Variants in CNBD2 observed in about 807,000 individuals in gnomAD.
CNBD2 encodes cyclic nucleotide binding domain containing 2, also known as cyclic nucleotide-binding domain-containing protein 2.
CNBD2 carries 64 observed loss-of-function variants against 63.7 expected under a neutral mutation model. That is an observed-to-expected ratio of 1.00 (90% CI 0.82 to 1.24). CNBD2 has a LOEUF of 1.24. Ranked by LOEUF, CNBD2 falls within the 50% of genes most tolerant of loss-of-function variation. The pLI is 0.00. For missense variants in CNBD2, 691 were observed against 713.5 expected (o/e 0.97, Z 0.36); for synonymous variants, 229 against 255.4 (o/e 0.90, Z 0.99).
At chr20:35,998,132 C>T (rs999532882) in intron 8 of CNBD2, among the ~76,000 whole-genome samples, 1 of 151,264 alleles carries the variant, frequency 6.6e-6, no homozygotes, top group South Asian at 2.1e-4. Context: ...TCCTCCACCC[C>T]CCAGGTTCGA....
downstream of CNBD2, among the ~76,000 whole-genome samples, chr20:35,956,291 A>G (rs2056256062): frequency 6.6e-6 from 1 of 152,192 alleles, no homozygotes; most frequent in Admixed American, 6.5e-5. Context: ...TGGGCCTTTA[A>G]TGTTTTTTAG....
intron 9 of CNBD2, among the ~76,000 whole-genome samples, chr20:36,008,809 T>C (rs955362854): frequency 6.6e-6 from 1 of 152,164 alleles, no homozygotes; most frequent in South Asian, 2.1e-4. Context: ...GATTCTGAGC[T>C]GCTTCAGAAA....
chr20:35,988,959 C>T (rs1259569538), intron 7 of CNBD2, among the ~76,000 whole-genome samples: 2 of 152,186 alleles, frequency 1.3e-5, no homozygotes, highest in East Asian at 1.9e-4. Context: ...AATTGCTTCA[C>T]GTCCTTTGCC....
At chr20:36,009,112 G>T (rs146021564) in intron 9 of CNBD2, among the ~76,000 whole-genome samples, 1 of 152,082 alleles carries the variant, frequency 6.6e-6, no homozygotes, top group Admixed American at 6.5e-5. Context: ...CAGGAGGGTC[G>T]CTTGAGCCTA....
At chr20:35,987,675 C>G in intron 7 of CNBD2, 142 bp downstream of exon 7, 1 of 884,644 alleles carries the variant, frequency 1.1e-6, no homozygotes, top group Admixed American at 2.5e-5. Context: ...CATGTCCCAG[C>G]TGTAAGAGGC....
chr20:35,996,510 T>G (rs2056827293), intron 8 of CNBD2, among the ~76,000 whole-genome samples: 1 of 147,392 alleles, frequency 6.8e-6, no homozygotes, highest in Non-Finnish European at 1.5e-5. Flanking sequence ...CTCTTTTTGT[T>G]TTTTTTTTTT....
At chr20:36,006,222 G>T (rs1348606696) in intron 8 of CNBD2, among the ~76,000 whole-genome samples, 1 of 151,676 alleles carries the variant, frequency 6.6e-6, no homozygotes, top group Non-Finnish European at 1.5e-5. Context: ...TAGAGATGGG[G>T]TTTCACCATG....
intron 1 of CNBD2, among the ~76,000 whole-genome samples, chr20:35,971,080 T>G (rs2056409356): frequency 6.6e-6 from 1 of 150,594 alleles, no homozygotes; most frequent in African/African-American, 2.4e-5. Flanking sequence ...CCCAAGTAGC[T>G]GGGACTACAG....
At chr20:36,015,602 G>A (rs2057122926) in intron 10 of CNBD2, among the ~76,000 whole-genome samples, 1 of 152,182 alleles carries the variant, frequency 6.6e-6, no homozygotes, top group Admixed American at 6.5e-5. Context: ...GGAAGAGCTA[G>A]GGGAGGGGGC....
upstream of CNBD2, among the ~76,000 whole-genome samples, chr20:35,968,203 A>G (rs1259265401): frequency 6.6e-6 from 1 of 152,190 alleles, no homozygotes; most frequent in Non-Finnish European, 1.5e-5. Context: ...GGTTAATGCA[A>G]ATTAAGGAGT....
chr20:35,998,874 C>CAAAAAAAAAA (rs74173968), intron 8 of CNBD2, among the ~76,000 whole-genome samples: 1 of 47,376 alleles, frequency 2.1e-5, no homozygotes, highest in Non-Finnish European at 4.2e-5. Context: ...CTGTGTCTCT[C>CAAAAAAAAAA]AAAAAAAAAA....
intron 8 of CNBD2, 61 bp from the exon 9 acceptor site, chr20:36,008,236 C>A: frequency 7.2e-7 from 1 of 1,384,790 alleles, no homozygotes; most frequent in Non-Finnish European, 9.9e-7. Flanking sequence ...CAACTACTAC[C>A]ACCATAACCA....
chr20:35,963,621 A>T (rs377599920), upstream of CNBD2, among the ~76,000 whole-genome samples: 1 of 152,174 alleles, frequency 6.6e-6, no homozygotes, highest in African/African-American at 2.4e-5. Context: ...AGCCTGGGCA[A>T]AAGAGAGACT....
upstream of CNBD2, chr20:35,954,445 T>C (rs961099254): frequency 7.1e-6 from 11 of 1,549,232 alleles, no homozygotes; most frequent in Non-Finnish European, 8.7e-6. Context: ...GTGCGGAGCT[T>C]ACCTGCACCA....
chr20:36,029,031 C>T (rs1016515590), intron 11 of CNBD2, among the ~76,000 whole-genome samples: 2 of 152,128 alleles, frequency 1.3e-5, no homozygotes, highest in African/African-American at 2.4e-5. Context: ...TCAAGTGAGA[C>T]AGGGGATTGG....
chr20:35,954,789 C>T (rs1414662080), exon 1 of CNBD2: 12 of 395,554 alleles, frequency 3.0e-5, no homozygotes, highest in Non-Finnish European at 5.3e-5. Context: ...TCTGATTGAC[C>T]CTGATGAGCT....
chr20:35,981,467 G>A (rs1032768525), intron 4 of CNBD2, among the ~76,000 whole-genome samples: 5 of 151,920 alleles, frequency 3.3e-5, no homozygotes, highest in Middle Eastern at 3.4e-3. Flanking sequence ...GATGGGTCTC[G>A]TCCTGTCAAC....
At chr20:36,007,189 AAAATAAAT>A (rs553581625) in intron 8 of CNBD2, among the ~76,000 whole-genome samples, 20 of 151,724 alleles carry the variant, frequency 1.3e-4, no homozygotes, top group African/African-American at 3.9e-4. Flanking sequence ...AATCCTCTCA[AAAATAAAT>A]AAATAAATAA....
intron 10 of CNBD2, among the ~76,000 whole-genome samples, chr20:36,023,111 G>A (rs766596448): frequency 2.0e-5 from 3 of 152,274 alleles, no homozygotes; most frequent in South Asian, 2.1e-4. Flanking sequence ...CTAATTCCAC[G>A]GTTAGAGGAA....
Sources: allele counts gnomAD v4.1 joint callset (sites outside exome capture counted in the v4.1 genomes callset), GRCh38; gene constraint gnomAD v4.1.1; transcripts MANE v1.5; gene names NCBI Gene and HGNC (gene_info 2026-07-23, HGNC 2026-07-21).